TBX20: variants seen among roughly 807,000 people sequenced by gnomAD.
The protein encoded by TBX20 is T-box transcription factor TBX20.
A neutral mutation model predicts 42.9 loss-of-function variants in TBX20; 8 were observed. The observed-to-expected ratio is 0.19, with a 90% CI of 0.11 to 0.34. The LOEUF (loss-of-function observed/expected upper bound fraction) is 0.34. Ranked by LOEUF, TBX20 falls within the 10% of genes least tolerant of loss-of-function variation. The pLI is 1.00. For synonymous variants in TBX20, 198 were observed against 222.8 expected, an observed-to-expected ratio of 0.89 and a Z score of 0.99; for missense variants, 411 against 566.0, an observed-to-expected ratio of 0.73 and a Z score of 2.78.
intron 5 of TBX20, 38 bp downstream of exon 5, chr7:35,240,841 C>G: frequency 6.3e-7 from 1 of 1,594,496 alleles, no homozygotes; most frequent in Non-Finnish European, 8.6e-7. Flanking sequence ...CTAAATCCTT[C>G]TCTTATGCAG....
rs777946033 is a variant in TBX20 at position 35,253,908 on chromosome 7, G to A, written c.-288C>T. 14 of 430,828 alleles carry A rather than the reference G, an allele frequency of 3.2e-5. No individual in the cohort carries two copies. The highest frequency in any genetic ancestry group is 5.9e-5 in the Non-Finnish European group (14 of 237,040). 26.7% of individuals were successfully genotyped at this position (430,828 alleles called of 1,614,324 possible). Reference sequence around the variant, plus strand: ...CCCCGGGGCGCTCGGCAGGACGACAGTCTGCACAGCCCGAAGGCGGAAACG... The same window carrying A: ...CCCCGGGGCGCTCGGCAGGACGACAATCTGCACAGCCCGAAGGCGGAAACG... On this transcript the variant is annotated 5_prime_UTR_variant, in exon 1 of 8. Coordinates refer to ENST00000408931, the MANE Select transcript of TBX20 (RefSeq NM_001077653.2).
At chr7:35,224,521 A>T (rs542488844) in intron 6 of TBX20, among the ~76,000 whole-genome samples, 1 of 152,230 alleles carries the variant, frequency 6.6e-6, no homozygotes, top group African/African-American at 2.4e-5. Flanking sequence ...AAAAATACAA[A>T]ATTAGCTGGA....
In TBX20 at chr7:35,202,571, G is replaced by A. The variant is rs372573377; in HGVS notation, c.1203C>T (p.Ala401=). Residue 401 remains alanine, a synonymous_variant, in exon 8 of 8, where the codon GCC becomes GCT. Coordinates refer to ENST00000408931, the MANE Select transcript of TBX20 (RefSeq NM_001077653.2). The part of the protein sequence containing the change: ...SRLGMPLTPS[A]IASSMQGSGP... ...CACTCCCTTGCATGGAGCTGGCAAT[G>A]GCCGATGGTGTCAGAGGCATTCCCA... The A allele has an allele frequency of 3.1e-6, 5 of 1,614,004 alleles. No individual in the cohort carries two copies. The African/African-American group carries it at 5.3e-5, about 17-fold the overall frequency.
intron 6 of TBX20, among the ~76,000 whole-genome samples, chr7:35,209,918 T>C (rs1164626459): frequency 6.6e-6 from 1 of 152,182 alleles, no homozygotes; most frequent in East Asian, 1.9e-4. Context: ...CCAAGGGTTG[T>C]TTAGACATGT....
At chr7:35,230,860 C>CAA (rs1789854585) in intron 6 of TBX20, among the ~76,000 whole-genome samples, 1 of 152,180 alleles carries the variant, frequency 6.6e-6, no homozygotes, top group African/African-American at 2.4e-5. Flanking sequence ...CAATTTTTGA[C>CAA]ATTCATACTG....
intron 1 of TBX20, among the ~76,000 whole-genome samples, chr7:35,250,694 C>T (rs1222180478): frequency 6.6e-6 from 1 of 152,078 alleles, no homozygotes; most frequent in East Asian, 1.9e-4. Context: ...TTCCTGGAGC[C>T]CTCTCTCCAT....
At chr7:35,216,871 A>G (rs1789600019) in intron 6 of TBX20, among the ~76,000 whole-genome samples, 1 of 152,158 alleles carries the variant, frequency 6.6e-6, no homozygotes, top group African/African-American at 2.4e-5. Flanking sequence ...GTTTTTGCTC[A>G]TTAATTTGTT....
chr7:35,226,404 CAA>C (rs375521286), intron 6 of TBX20, among the ~76,000 whole-genome samples: 3 of 81,048 alleles, frequency 3.7e-5, no homozygotes, highest in Non-Finnish European at 5.3e-5. Context: ...GTGAACAATC[CAA>C]AAAAAAAAAA....
chr7:35,203,656 G>C (rs1447920529), intron 7 of TBX20, among the ~76,000 whole-genome samples: 1 of 152,214 alleles, frequency 6.6e-6, no homozygotes, highest in Non-Finnish European at 1.5e-5. Flanking sequence ...GCTATTAGCA[G>C]TTAAGTTTTA....
At chr7:35,253,247 G>T (rs1226516359) in intron 1 of TBX20, among the ~76,000 whole-genome samples, 1 of 152,198 alleles carries the variant, frequency 6.6e-6, no homozygotes, top group Admixed American at 6.5e-5. Context: ...CCATATGTCT[G>T]ATCTGATATA....
In TBX20 at chr7:35,253,708, C is replaced by T. The variant is rs1790352891; in HGVS notation, c.-88G>A. 9.1e-6 allele frequency: 14 copies of T among 1,540,420 alleles called. No individual in the cohort carries two copies. Among genetic ancestry groups the T allele is most frequent in the African/African-American group, 1.4e-5 (1 of 72,982 alleles). ...AGGGAGACAAAGACCCGAAACACAG[C>T]TCAAAGTTTCCGAGAGCAGTCACAG... is the stretch of plus-strand genomic sequence containing the variant. On this transcript the variant is annotated 5_prime_UTR_variant, in exon 1 of 8. Transcript: ENST00000408931.
intron 6 of TBX20, among the ~76,000 whole-genome samples, chr7:35,217,775 C>T (rs1341386748): frequency 1.3e-5 from 2 of 152,034 alleles, no homozygotes; most frequent in Admixed American, 1.3e-4. Flanking sequence ...GGCTGGAGTG[C>T]AATGGAACGA....
chr7:35,239,969 C>T (rs1380074048), intron 5 of TBX20, among the ~76,000 whole-genome samples: 2 of 151,998 alleles, frequency 1.3e-5, no homozygotes, highest in Admixed American at 6.6e-5. Context: ...AGGCTGGTCT[C>T]GAACTCCTGA....
intron 6 of TBX20, among the ~76,000 whole-genome samples, chr7:35,220,413 G>A (rs1302044502): frequency 6.6e-6 from 1 of 152,242 alleles, no homozygotes; most frequent in Non-Finnish European, 1.5e-5. Context: ...TAAGGCTGCT[G>A]TGCTAGGTGA....
intron 4 of TBX20, among the ~76,000 whole-genome samples, chr7:35,241,309 T>G (rs1790077102): frequency 6.6e-6 from 1 of 152,252 alleles, no homozygotes; most frequent in African/African-American, 2.4e-5. Context: ...ATCTGAAGGA[T>G]AAGTTTTACC....
At chr7:35,225,098 T>C in intron 6 of TBX20, among the ~76,000 whole-genome samples, 1 of 152,170 alleles carries the variant, frequency 6.6e-6, no homozygotes, top group Non-Finnish European at 1.5e-5. Flanking sequence ...GAGACTAAAA[T>C]GAAAATTTAT....
At chr7:35,204,219 C>T (rs1005001508) in intron 7 of TBX20, among the ~76,000 whole-genome samples, 1 of 151,904 alleles carries the variant, frequency 6.6e-6, no homozygotes, top group Non-Finnish European at 1.5e-5. Flanking sequence ...CTCAAAGGCT[C>T]AGTATTCTTT....
At chr7:35,218,741 T>C (rs1199607311) in intron 6 of TBX20, among the ~76,000 whole-genome samples, 1 of 152,204 alleles carries the variant, frequency 6.6e-6, no homozygotes, top group Non-Finnish European at 1.5e-5. Context: ...ACATCTGCTA[T>C]AGTCTGAACA....
intron 4 of TBX20, among the ~76,000 whole-genome samples, 159 bp from the exon 5 acceptor site, chr7:35,241,196 A>G (rs939235410): frequency 1.3e-5 from 2 of 152,194 alleles, no homozygotes; most frequent in Non-Finnish European, 2.9e-5. Flanking sequence ...TCATTTTCAC[A>G]AGATACTGCA....
Sources: allele counts gnomAD v4.1 joint callset (sites outside exome capture counted in the v4.1 genomes callset), GRCh38; gene constraint gnomAD v4.1.1; transcripts MANE v1.5; gene names NCBI Gene and HGNC (gene_info 2026-07-23, HGNC 2026-07-21).